The following PRKACB variants were observed in gnomAD, a reference collection of about 807,000 sequenced individuals.
PRKACB encodes protein kinase cAMP-activated catalytic subunit beta.
PRKACB carries 16 observed loss-of-function variants against 51.4 expected under a neutral mutation model. The observed-to-expected ratio is 0.31, with a 90% confidence interval of 0.21 to 0.47. The LOEUF is 0.47. PRKACB is among the 20% of genes least tolerant of loss of function. The pLI is 1.00. For synonymous variants in PRKACB, 147 were observed against 154.4 expected (o/e 0.95, Z 0.35); for missense variants, 309 against 464.5 (o/e 0.67, Z 3.08).
chr1:84,153,117 A>T (rs1484073711), intron 1 of PRKACB, among the ~76,000 whole-genome samples: 1 of 152,048 alleles, frequency 6.6e-6, no homozygotes, highest in Non-Finnish European at 1.5e-5. Flanking sequence ...GAAATGGGGG[A>T]CTAGCTGGTG....
intron 1 of PRKACB, among the ~76,000 whole-genome samples, chr1:84,093,963 G>T (rs1028449787): frequency 6.6e-6 from 1 of 152,022 alleles, no homozygotes. Context: ...GACCTATCTA[G>T]TGATCTTGCT....
At chr1:84,179,289 T>A (rs756293546) in intron 2 of PRKACB, 51 bp downstream of exon 2, 28 of 1,482,750 alleles carry the variant, frequency 1.9e-5, no homozygotes, top group Non-Finnish European at 2.4e-5. Context: ...ATTAATAAAA[T>A]CAGGATTCTT....
chr1:84,199,815 T>C (rs1047927050), intron 7 of PRKACB, among the ~76,000 whole-genome samples: 1 of 150,270 alleles, frequency 6.7e-6, no homozygotes, highest in Non-Finnish European at 1.5e-5. Flanking sequence ...CCAGCATCTG[T>C]TATTTTTTGA....
At chr1:84,193,907 G>A (rs1027293583) in intron 5 of PRKACB, among the ~76,000 whole-genome samples, 1 of 152,134 alleles carries the variant, frequency 6.6e-6, no homozygotes, top group Non-Finnish European at 1.5e-5. Context: ...TTCATAAAAT[G>A]ATGGTGGCAG....
In PRKACB at chr1:84,164,651, A is replaced by G; in HGVS notation, c.188-14526A>G. The stretch of plus-strand genomic sequence containing the variant: ...CGTGGTAACAACTCATGCTGATATA[A>G]TTGAGAACATCTTATACATCCTGGT... On this transcript the variant is annotated intron_variant, in intron 1 of 9. Coordinates refer to ENST00000370685, the MANE Select transcript of PRKACB (RefSeq NM_182948.4). 3.6e-6 allele frequency: 5 copies of G among 1,396,848 alleles called. No individual in the cohort carries two copies. The South Asian group carries it at 4.8e-5, about 14-fold the overall frequency. The allele number at this position is 1,396,848 out of a possible 1,614,324, so 86.5% of individuals were successfully genotyped here.
At chr1:84,109,842 A>G (rs570636045) in intron 1 of PRKACB, among the ~76,000 whole-genome samples, 1 of 152,088 alleles carries the variant, frequency 6.6e-6, no homozygotes, top group Admixed American at 6.5e-5. Context: ...CTATTGAAGT[A>G]TATGTGAATA....
intron 1 of PRKACB, among the ~76,000 whole-genome samples, chr1:84,092,881 A>C (rs1308625279): frequency 1.3e-5 from 2 of 151,192 alleles, no homozygotes; most frequent in African/African-American, 4.9e-5. Flanking sequence ...TCTTTTTATA[A>C]AATGTTTTTT....
At chr1:84,103,017 T>C (rs1257548302) in intron 1 of PRKACB, among the ~76,000 whole-genome samples, 2 of 152,184 alleles carry the variant, frequency 1.3e-5, no homozygotes, top group African/African-American at 4.8e-5. Flanking sequence ...AGAAACTAAG[T>C]ATGAGGAGTT....
At chr1:84,125,379 G>A (rs920983034) in intron 1 of PRKACB, among the ~76,000 whole-genome samples, 1 of 152,188 alleles carries the variant, frequency 6.6e-6, no homozygotes, top group African/African-American at 2.4e-5. Context: ...GCTGGACAAG[G>A]TTCTCTGCTT....
At chr1:84,204,477 A>G (rs1671018557) in intron 8 of PRKACB, 1 of 1,584,984 alleles carries the variant, frequency 6.3e-7, no homozygotes, top group Non-Finnish European at 8.7e-7. Context: ...GTTTTCTCCC[A>G]GCAGAACTTT....
At chr1:84,148,854 A>G (rs939314206) in intron 1 of PRKACB, among the ~76,000 whole-genome samples, 2 of 152,234 alleles carry the variant, frequency 1.3e-5, no homozygotes, top group Non-Finnish European at 2.9e-5. Flanking sequence ...CTGTACTAAC[A>G]TAACGAGAAG....
At chr1:84,094,656 A>G (rs1368593566) in intron 1 of PRKACB, among the ~76,000 whole-genome samples, 6 of 152,078 alleles carry the variant, frequency 3.9e-5, no homozygotes, top group East Asian at 1.9e-4. Context: ...AAATGTTCCA[A>G]TGACTTTTGA....
At position 84,120,956 on chromosome 1, in the gene PRKACB, T is replaced by C. The variant is rs116337670; in HGVS notation, c.46+42585T>C. ...TATGAGCTACAAGATTTCAAGACTT[T>C]TCAAATCTTGATCTTAGGTAATTTT... On this transcript the variant is annotated intron_variant, in intron 1 of 8. Transcript: ENST00000370688. 3.7e-3 allele frequency among the ~76,000 whole-genome samples: 565 copies of C among 152,194 alleles called. 2 individuals carry two copies. The highest frequency in any genetic ancestry group is 0.012 in the African/African-American group (511 of 41,562).
intron 9 of PRKACB, among the ~76,000 whole-genome samples, chr1:84,218,260 G>A (rs1673158887): frequency 6.6e-6 from 1 of 152,068 alleles, no homozygotes; most frequent in Non-Finnish European, 1.5e-5. Context: ...TATTCCTTCT[G>A]TCTAACTGTA....
intron 9 of PRKACB, 140 bp from the exon 10 acceptor site, chr1:84,235,040 C>A: frequency 1.2e-6 from 1 of 842,150 alleles, no homozygotes; most frequent in Non-Finnish European, 1.8e-6. Context: ...CTTCTTCTAG[C>A]ACTATTATAT....
intron 1 of PRKACB, chr1:84,173,208 C>A: frequency 1.6e-6 from 1 of 617,618 alleles, no homozygotes; most frequent in Non-Finnish European, 2.6e-6. Flanking sequence ...TATGTATGTT[C>A]AATTGTTTTA....
At chr1:84,107,279 C>T (rs993329513) in intron 1 of PRKACB, among the ~76,000 whole-genome samples, 1 of 152,106 alleles carries the variant, frequency 6.6e-6, no homozygotes, top group Admixed American at 6.6e-5. Flanking sequence ...AATTGGCTAG[C>T]TGTATGCAGA....
intron 1 of PRKACB, among the ~76,000 whole-genome samples, chr1:84,161,903 C>G (rs1023105238): frequency 6.6e-6 from 1 of 151,752 alleles, no homozygotes; most frequent in Non-Finnish European, 1.5e-5. Flanking sequence ...ATATATTTAC[C>G]ATTTTTAGTG....
intron 9 of PRKACB, among the ~76,000 whole-genome samples, chr1:84,220,489 G>A (rs983768569): frequency 2.0e-5 from 3 of 152,180 alleles, no homozygotes; most frequent in Non-Finnish European, 4.4e-5. Flanking sequence ...TTGAATAGGA[G>A]TGGTGAAAGT....
Sources: allele counts gnomAD v4.1 joint callset (sites outside exome capture counted in the v4.1 genomes callset), GRCh38; gene constraint gnomAD v4.1.1; transcripts MANE v1.5; gene names NCBI Gene and HGNC (gene_info 2026-07-23, HGNC 2026-07-21).